The following TTC3 variants were observed in gnomAD, a reference collection of about 807,000 sequenced individuals.
TTC3 encodes the protein tetratricopeptide repeat domain 3.
Under a neutral mutation model 249.6 loss-of-function variants are expected in TTC3, and 180 were observed. The observed-to-expected ratio is 0.72, with a 90% CI of 0.64 to 0.82. The LOEUF (loss-of-function observed/expected upper bound fraction) is 0.82, where lower values mean the gene tolerates loss of function less well. TTC3 is among the 40% of genes least tolerant of loss of function. The pLI, the probability that TTC3 is intolerant of heterozygous loss-of-function variation, is 0.00. For missense variants in TTC3, 2,061 were observed against 2,398.4 expected (o/e 0.86, Z 2.94); for synonymous variants, 717 against 805.0 (o/e 0.89, Z 1.85).
At chr21:37,088,725 A>G in intron 4 of TTC3, 74 bp from the exon 5 acceptor site, 1 of 1,351,348 alleles carries the variant, frequency 7.4e-7, no homozygotes, top group Non-Finnish European at 1.0e-6. Flanking sequence ...TTTGAGATAT[A>G]TAGCTAAGCA....
At chr21:37,110,866 ACT>A in intron 11 of TTC3, among the ~76,000 whole-genome samples, 2 of 152,338 alleles carry the variant, frequency 1.3e-5, no homozygotes, top group African/African-American at 4.8e-5. Flanking sequence ...CTCGGCAGAA[ACT>A]CTACAAGCCA....
chr21:37,073,762 C>T (rs937954269), intron 1 of TTC3, among the ~76,000 whole-genome samples: 1 of 152,084 alleles, frequency 6.6e-6, no homozygotes, highest in Non-Finnish European at 1.5e-5. Flanking sequence ...CCTTTTGTGT[C>T]GGTGTCCGCG....
rs1391284518 is a variant in TTC3, at chr21:37,136,633, CTA to C, written c.1578+1121_1578+1122del. Reference sequence around the variant, plus strand: ...GGTTCATGAGATTTAAGGAAAGAAGCTATTTCCATAACATAAAAGTGCAAGGT... The same window carrying C: ...GGTTCATGAGATTTAAGGAAAGAAGCTTTCCATAACATAAAAGTGCAAGGT... On this transcript the variant is annotated intron_variant, in intron 18 of 45. Coordinates refer to ENST00000355666, the Ensembl canonical transcript of TTC3. 8.5e-5 allele frequency among the ~76,000 whole-genome samples: 13 copies of C among 152,282 alleles called. No homozygotes were observed. In the East Asian group the frequency reaches 2.1e-3, roughly 25 times the overall value.
At chr21:37,112,292 C>T (rs542149286) in intron 11 of TTC3, among the ~76,000 whole-genome samples, 1 of 152,132 alleles carries the variant, frequency 6.6e-6, no homozygotes, top group East Asian at 1.9e-4. Context: ...ATTGATAGAC[C>T]GCTAGCAAGA....
At chr21:37,086,607 G>A (rs1401328795) in intron 1 of TTC3, 2 of 152,444 alleles carry the variant, frequency 1.3e-5, no homozygotes, top group Non-Finnish European at 2.9e-5. Context: ...ATTAGAAGCA[G>A]CAGTCGATAG....
intron 28 of TTC3, chr21:37,157,203 CAG>C (rs1278084710): frequency 7.5e-7 from 1 of 1,341,588 alleles, no homozygotes; most frequent in Non-Finnish European, 9.9e-7. Flanking sequence ...GTTACACTGA[CAG>C]AATCTATTAG....
intron 29 of TTC3, among the ~76,000 whole-genome samples, chr21:37,160,039 G>T (rs2148051029): frequency 6.6e-6 from 1 of 152,250 alleles, no homozygotes; most frequent in South Asian, 2.1e-4. Context: ...TCATCTCCTG[G>T]CATAAAAATG....
chr21:37,076,447 G>A (rs2070872495), intron 1 of TTC3, among the ~76,000 whole-genome samples: 1 of 152,174 alleles, frequency 6.6e-6, no homozygotes, highest in Admixed American at 6.5e-5. Flanking sequence ...AGCCCCAGAG[G>A]AGTAATGAAG....
exon 23 of TTC3, chr21:37,148,621 A>G (rs756791095): frequency 3.1e-6 from 5 of 1,602,606 alleles, no homozygotes; most frequent in South Asian, 1.1e-5. Flanking sequence ...GTTAAAAACT[A>G]CAACCTTTAA....
intron 42 of TTC3, 67 bp from the exon 43 acceptor site, chr21:37,197,503 T>C (rs1444398443): frequency 1.3e-6 from 2 of 1,596,340 alleles, no homozygotes; most frequent in Non-Finnish European, 1.7e-6. Context: ...GGATTAATAT[T>C]GGCATGTAAT....
chr21:37,191,449 C>T (rs1395091793), intron 40 of TTC3, 25 bp downstream of exon 40: 10 of 1,435,294 alleles, frequency 7.0e-6, no homozygotes, highest in South Asian at 1.4e-5. Context: ...TCTTTTAATC[C>T]CATCAAAATC....
chr21:37,090,674 C>A, intron 6 of TTC3: 1 of 296,102 alleles, frequency 3.4e-6, no homozygotes, highest in Non-Finnish European at 5.0e-6. Flanking sequence ...ATGCCATAAA[C>A]ATCTATGTTT....
chr21:37,164,525 G>GT (rs1451831028), intron 32 of TTC3, among the ~76,000 whole-genome samples: 2 of 86 alleles, frequency 0.023, no homozygotes, highest in Middle Eastern at 0.5. Context: ...TTTTAGTAGA[G>GT]AAGGGTTTCA....
At chr21:37,195,573 T>C (rs1429530626) in intron 41 of TTC3, 102 bp from the exon 42 acceptor site, 2 of 1,476,412 alleles carry the variant, frequency 1.4e-6, no homozygotes, top group African/African-American at 2.8e-5. Context: ...GCACGGAGCC[T>C]CTGCGCTGCG....
In TTC3 at chr21:37,162,064, G is replaced by A. The variant is rs1217055782; in HGVS notation, c.3170+1G>A. On this transcript the variant is annotated splice_donor_variant, in intron 31 of 45. Transcript: ENST00000355666. LOFTEE classifies it high-confidence loss of function. ...TCATCACTTCAAGTGAAGACCATAG[G>A]TAAGTATAATTTTTAAATTTTTGCT... The A allele has an allele frequency of 1.3e-6, 2 of 1,536,284 alleles. No individual in the cohort carries two copies. Among genetic ancestry groups the A allele is most frequent in the Non-Finnish European group, 1.8e-6 (2 of 1,134,280 alleles).
chr21:37,197,452 T>A (rs1209936129), intron 42 of TTC3, 118 bp from the exon 43 acceptor site: 17 of 1,275,260 alleles, frequency 1.3e-5, no homozygotes, highest in Non-Finnish European at 1.9e-5. Flanking sequence ...TTCAGATTAA[T>A]TTTATGTGCA....
intron 10 of TTC3, among the ~76,000 whole-genome samples, chr21:37,103,310 C>G (rs368007763): frequency 6.6e-6 from 1 of 152,210 alleles, no homozygotes; most frequent in East Asian, 1.9e-4. Context: ...GACTAGAACT[C>G]TCTTTCTTAC....
At chr21:37,112,404 T>A (rs1315592166) in intron 11 of TTC3, among the ~76,000 whole-genome samples, 2 of 152,196 alleles carry the variant, frequency 1.3e-5, no homozygotes, top group Non-Finnish European at 1.5e-5. Context: ...CAGAGAATAC[T>A]GTAAACACCT....
At chr21:37,108,306 G>T in intron 10 of TTC3, 86 bp from the exon 11 acceptor site, 1 of 1,100,306 alleles carries the variant, frequency 9.1e-7, no homozygotes. Flanking sequence ...AATATACATG[G>T]AAAATTCACA....
Sources: allele counts gnomAD v4.1 joint callset (sites outside exome capture counted in the v4.1 genomes callset), GRCh38; gene constraint gnomAD v4.1.1; transcripts MANE v1.5; gene names NCBI Gene and HGNC (gene_info 2026-07-23, HGNC 2026-07-21).